UTY: variants seen among roughly 807,000 people sequenced by gnomAD.
The protein encoded by UTY is ubiquitously transcribed tetratricopeptide repeat containing, Y-linked.
UTY carries 12 observed loss-of-function variants against 32.5 expected under a neutral mutation model. That is an observed-to-expected ratio of 0.37 (90% CI 0.24 to 0.60). UTY has a LOEUF of 0.60. Ranked by LOEUF, UTY falls within the 20% of genes least tolerant of loss-of-function variation. The probability of loss-of-function intolerance (pLI) is 0.69; values close to 1 mark genes in which losing one functional copy is unlikely to be tolerated. For missense variants in UTY, 303 were observed against 299.2 expected, an observed-to-expected ratio of 1.01 and a Z score of -0.09; for synonymous variants, 131 against 103.4, an observed-to-expected ratio of 1.27 and a Z score of -1.62.
intron 15 of UTY, 21 bp downstream of exon 15, chrY:13,357,856 A>G: frequency 2.7e-6 from 1 of 375,269 alleles, no homozygotes; most frequent in Non-Finnish European, 3.8e-6. Context: ...ATTGGGGGAA[A>G]GATCGTCAAA....
At chrY:13,408,755 A>C in intron 6 of UTY, among the ~76,000 whole-genome samples, 1 of 32,798 alleles carries the variant, frequency 3.0e-5, no homozygotes, top group Non-Finnish European at 7.6e-5. Context: ...GGAAAACTTA[A>C]GAAATAAAAT....
intron 28 of UTY, among the ~76,000 whole-genome samples, chrY:13,257,309 AG>A (rs2054833577): frequency 3.0e-5 from 1 of 33,546 alleles, no homozygotes; most frequent in Admixed American, 2.7e-4. Context: ...AGGTTATACT[AG>A]CCAAGCTCTA....
At chrY:13,472,977 G>T in intron 2 of UTY, among the ~76,000 whole-genome samples, 1 of 34,115 alleles carries the variant, frequency 2.9e-5, no homozygotes, top group Non-Finnish European at 7.3e-5. Flanking sequence ...CTATCCTCCA[G>T]GCTGGGCACG....
chrY:13,416,602 T>C (rs2071707767), intron 4 of UTY, among the ~76,000 whole-genome samples: 1 of 33,774 alleles, frequency 3.0e-5, no homozygotes, highest in East Asian at 7.7e-4. Flanking sequence ...ACAATATCTT[T>C]AGTCACTGCA....
intron 4 of UTY, among the ~76,000 whole-genome samples, chrY:13,433,524 T>C (rs2074237804): frequency 3.0e-5 from 1 of 33,516 alleles, no homozygotes; most frequent in Non-Finnish European, 7.4e-5. Flanking sequence ...TATTACAAAA[T>C]AGTAGATGAA....
At chrY:13,360,552 A>G (rs747682638) in intron 10 of UTY, 24 bp from the exon 11 acceptor site, 7 of 342,855 alleles carry the variant, frequency 2.0e-5, no homozygotes, top group Non-Finnish European at 2.1e-5. Flanking sequence ...ATATAAATAA[A>G]TACAATTCCA....
chrY:13,353,129 C>G, intron 17 of UTY, among the ~76,000 whole-genome samples: 1 of 34,187 alleles, frequency 2.9e-5, no homozygotes, highest in African/African-American at 1.1e-4. Flanking sequence ...TAGGTCTTTT[C>G]TAACTAGAGA....
At position 13,347,846 on chromosome Y, in the gene UTY, T is replaced by C. The variant is rs767206886; in HGVS notation, c.2061+7157A>G. Among the ~76,000 whole-genome samples the C allele has an allele frequency of 2.4e-4, 8 of 33,491 alleles. No homozygotes were observed. In the East Asian group the frequency reaches 5.5e-3, roughly 23 times the overall value. 89.9% of individuals were successfully genotyped at this position (33,491 alleles called of 37,273 possible). On this transcript the variant is annotated intron_variant, in intron 17 of 29. Transcript: ENST00000545955. Reference sequence around the variant, plus strand: ...CTTTTTCGGTCTCTCCAGTCTTTGATTGTCCCGCAACATTTCCTGCAATAA... The same window carrying C: ...CTTTTTCGGTCTCTCCAGTCTTTGACTGTCCCGCAACATTTCCTGCAATAA...
intron 7 of UTY, among the ~76,000 whole-genome samples, chrY:13,395,916 T>G: frequency 2.0e-4 from 5 of 24,958 alleles, no homozygotes; most frequent in African/African-American, 3.3e-4. Flanking sequence ...TTTTTTTTTT[T>G]TTTTTTTTTT....
In UTY at chrY:13,298,959, G is replaced by A; in HGVS notation, c.3866C>T (p.Thr1289Ile). Residue 1289 changes from threonine to isoleucine, a missense_variant and splice_region_variant, in exon 26 of 30, where the codon ACA (threonine) becomes ATA (isoleucine). By Grantham distance (89) the Thr-to-Ile change is moderately conservative. Coordinates refer to ENST00000545955, the MANE Select transcript of UTY (RefSeq NM_001258249.2). ...NNIAWNVGPLTACQYKLAVER... is the reference protein window; with the variant it reads ...NNIAWNVGPLIACQYKLAVER... ...GTTGGTGTTATTATTCAGAATACCT[G>A]TAAGTGGACCAACATTCCAGGCAAT... 2.5e-6 allele frequency: 1 copy of A among 393,269 alleles called. No homozygotes were observed. The highest frequency in any genetic ancestry group is 3.6e-6 in the Non-Finnish European group (1 of 280,351).
At chrY:13,451,309 C>T (rs2076296436) in intron 3 of UTY, among the ~76,000 whole-genome samples, 1 of 32,756 alleles carries the variant, frequency 3.1e-5, no homozygotes, top group Admixed American at 2.8e-4. Context: ...GAGAAAGAAT[C>T]TCCTGGGTTA....
chrY:13,293,561 C>A, intron 27 of UTY, among the ~76,000 whole-genome samples: 1 of 33,292 alleles, frequency 3.0e-5, no homozygotes, highest in Non-Finnish European at 7.4e-5. Context: ...TCGTTATCTG[C>A]CCACCTTGGC....
chrY:13,432,419 ACTACTAACTATCTCCAGCAGTTGC>A (rs2074120588), intron 4 of UTY, among the ~76,000 whole-genome samples: 1 of 33,221 alleles, frequency 3.0e-5, no homozygotes, highest in Non-Finnish European at 7.4e-5. Flanking sequence ...ACACACTTCC[ACTACTAACTATCTCCAGCAGTTGC>A]CTACCTATAA....
chrY:13,410,565 T>C, intron 6 of UTY, among the ~76,000 whole-genome samples: 1 of 33,254 alleles, frequency 3.0e-5, no homozygotes, highest in African/African-American at 1.2e-4. Context: ...ATGACACATG[T>C]TTTGCTATAA....
At chrY:13,402,761 C>G in intron 6 of UTY, among the ~76,000 whole-genome samples, 1 of 33,312 alleles carries the variant, frequency 3.0e-5, no homozygotes, top group East Asian at 7.7e-4. Flanking sequence ...TTTCTGTTGC[C>G]TCGATAGCAG....
chrY:13,435,591 T>G, intron 4 of UTY, among the ~76,000 whole-genome samples: 1 of 34,465 alleles, frequency 2.9e-5, no homozygotes, highest in African/African-American at 1.1e-4. Flanking sequence ...GGCGTGAGCC[T>G]ACTGGCTCAG....
intron 18 of UTY, among the ~76,000 whole-genome samples, chrY:13,327,177 TAA>T: frequency 3.0e-5 from 1 of 33,413 alleles, no homozygotes; most frequent in Non-Finnish European, 7.4e-5. Flanking sequence ...ACCTAATTAT[TAA>T]AATTCTAAAA....
chrY:13,434,416 G>C, intron 4 of UTY, among the ~76,000 whole-genome samples: 1 of 33,408 alleles, frequency 3.0e-5, no homozygotes, highest in South Asian at 6.5e-4. Context: ...GGCCAGGCTG[G>C]TCTCAAACTC....
intron 4 of UTY, among the ~76,000 whole-genome samples, chrY:13,421,898 G>A (rs770814796): frequency 3.0e-4 from 10 of 32,993 alleles, no homozygotes; most frequent in Non-Finnish European, 6.7e-4. Context: ...AGTTTCACAT[G>A]TGCCCCCAAA....
Sources: gnomAD v4.1 joint callset for allele counts (sites outside exome capture counted in the v4.1 genomes callset) on GRCh38, gnomAD v4.1.1 for gene constraint, MANE v1.5 for transcripts, NCBI Gene and HGNC (gene_info 2026-07-23, HGNC 2026-07-21) for gene names.